FREM1: variants seen among roughly 807,000 people sequenced by gnomAD.
FREM1 encodes FRAS1 related extracellular matrix 1.
FREM1 carries 220 observed loss-of-function variants against 210.1 expected under a neutral mutation model. The ratio of observed to expected loss-of-function variants is 1.05; its 90% CI spans 0.94 to 1.17. The LOEUF is 1.17. Among genes scored for constraint, FREM1 ranks in the 50% most tolerant of loss-of-function variants. The probability of loss-of-function intolerance (pLI) is 0.00; values close to 1 mark genes in which losing one functional copy is unlikely to be tolerated. For synonymous variants in FREM1, 1,189 were observed against 980.2 expected, an observed-to-expected ratio of 1.21 and a Z score of -3.98; for missense variants, 3,454 against 2,675.5, an observed-to-expected ratio of 1.29 and a Z score of -6.42.
chr9:14,788,337 A>T (rs899366694), intron 23 of FREM1, among the ~76,000 whole-genome samples: 1 of 152,138 alleles, frequency 6.6e-6, no homozygotes, highest in Non-Finnish European at 1.5e-5. Flanking sequence ...TTCACCACTT[A>T]TACAACTGAC....
At chr9:14,816,539 T>A (rs1193716497) in intron 15 of FREM1, among the ~76,000 whole-genome samples, 1 of 152,144 alleles carries the variant, frequency 6.6e-6, no homozygotes, top group Non-Finnish European at 1.5e-5. Context: ...ATGCTGATCA[T>A]AAAAGGCTCA....
intron 1 of FREM1, among the ~76,000 whole-genome samples, chr9:14,890,576 G>T (rs1291970930): frequency 1.3e-5 from 2 of 152,112 alleles, no homozygotes; most frequent in African/African-American, 4.8e-5. Flanking sequence ...AACAAAACGG[G>T]TTCTTTGAGA....
chr9:14,841,436 C>T lies in FREM1; in HGVS notation c.1881+11G>A, dbSNP rs1259423128. The T allele has an allele frequency of 7.6e-6, 12 of 1,578,646 alleles. No individual in the cohort carries two copies. The highest frequency in any genetic ancestry group is 1.0e-5 in the Non-Finnish European group (12 of 1,156,460). ...AAGACTTTGGGAAAGTGTTCAGAAA[C>T]AGTCTCTTACCTGTGGCACTGAAAG... On this transcript the variant is annotated intron_variant, in intron 10 of 36. Coordinates refer to ENST00000380880, the MANE Select transcript of FREM1 (RefSeq NM_001379081.2).
rs1250215332 is a variant in FREM1 at position 14,910,012 on chromosome 9, T to C, written c.-366A>G. ...CACAGCAATCTGGTTTAAAGGGCTT[T>C]GAGAGGAAGGGGGAGGAAAAAGAAC... On this transcript the variant is annotated 5_prime_UTR_variant, in exon 1 of 37. Transcript: ENST00000380880. The C allele has an allele frequency of 6.6e-6, 1 of 152,152 alleles. No individual in the cohort carries two copies. Among genetic ancestry groups the C allele is most frequent in the Non-Finnish European group, 1.5e-5 (1 of 68,044 alleles). The allele number at this position is 152,152 out of a possible 1,614,324, so 9.4% of individuals were successfully genotyped here. A position where few individuals can be genotyped will look rare whatever the true frequency, so the allele number is the denominator to read the frequency against.
chr9:14,850,687 C>A (rs762206921), intron 6 of FREM1, among the ~76,000 whole-genome samples: 12 of 152,114 alleles, frequency 7.9e-5, no homozygotes, highest in African/African-American at 1.7e-4. Context: ...ATGTAACACA[C>A]CTGCACATCC....
chr9:14,772,650 ATTC>A (rs1003514010), intron 25 of FREM1, among the ~76,000 whole-genome samples: 4 of 152,184 alleles, frequency 2.6e-5, no homozygotes, highest in Non-Finnish European at 5.9e-5. Flanking sequence ...AGTCACAGTC[ATTC>A]TTCTCCTCTC....
Position 14,860,550 on chromosome 9 carries a change from TATATACACAC to T in FREM1, c.330-1076_330-1067del, listed in dbSNP as rs1387492556. Among the ~76,000 whole-genome samples, 508 of 125,124 alleles carry T rather than the reference TATATACACAC, an allele frequency of 4.1e-3. 39 individuals are homozygous for T. Among genetic ancestry groups the T allele is most frequent in the African/African-American group, 0.015 (473 of 31,082 alleles). The allele number at this position is 125,124 out of a possible 152,430, so 82.1% of individuals were successfully genotyped here. A position where few individuals can be genotyped will look rare whatever the true frequency, so the allele number is the denominator to read the frequency against. ...GTAGGTATGTATATATATACACATA[TATATACACAC>T]ATATATATACACATATATATACACA... On this transcript the variant is annotated intron_variant, in intron 3 of 36. Coordinates refer to ENST00000380880, the MANE Select transcript of FREM1 (RefSeq NM_001379081.2).
At chr9:14,872,415 A>C (rs1050471449) in intron 1 of FREM1, among the ~76,000 whole-genome samples, 1 of 152,146 alleles carries the variant, frequency 6.6e-6, no homozygotes, top group African/African-American at 2.4e-5. Flanking sequence ...TAGGCATTTT[A>C]TCCTCTTTGA....
intron 35 of FREM1, among the ~76,000 whole-genome samples, chr9:14,746,009 A>ATCT (rs201404367): frequency 8.4e-5 from 8 of 95,692 alleles, no homozygotes; most frequent in Non-Finnish European, 1.4e-4. Flanking sequence ...GACTCAGAAA[A>ATCT]TCTTCTGATT....
chr9:14,758,023 A>G (rs115519525), intron 28 of FREM1, among the ~76,000 whole-genome samples: 1,660 of 152,228 alleles, frequency 0.011, 28 homozygotes, highest in African/African-American at 0.038. Flanking sequence ...ACAGAATCCT[A>G]TGTGGGAAAA....
At chr9:14,866,985 G>A (rs183637565) in intron 2 of FREM1, among the ~76,000 whole-genome samples, 19 of 150,248 alleles carry the variant, frequency 1.3e-4, no homozygotes, top group East Asian at 1.9e-4. Context: ...TCAGCCTCCC[G>A]AGTAGCTAGG....
At chr9:14,820,901 T>C (rs931859961) in intron 13 of FREM1, among the ~76,000 whole-genome samples, 3 of 152,226 alleles carry the variant, frequency 2.0e-5, no homozygotes, top group Admixed American at 1.3e-4. Context: ...ACCTCATTTT[T>C]CTGAGCTGTA....
At chr9:14,740,418 A>G (rs1348345083) in intron 35 of FREM1, among the ~76,000 whole-genome samples, 184 bp from the exon 36 acceptor site, 1 of 152,240 alleles carries the variant, frequency 6.6e-6, no homozygotes, top group African/African-American at 2.4e-5. Context: ...GGTAGGTGAC[A>G]TCAAAGAAAG....
In FREM1 at chr9:14,746,969, T is replaced by C. The variant is rs775932714; in HGVS notation, c.6092A>G (p.Tyr2031Cys). 6.2e-7 allele frequency: 1 copy of C among 1,613,390 alleles called. No individual in the cohort carries two copies. Among genetic ancestry groups the C allele is most frequent in the East Asian group, 2.2e-5 (1 of 44,878 alleles). ...FHFEEGIQKLYQCNGIAWKAW... is the reference protein window; with the variant it reads ...FHFEEGIQKLCQCNGIAWKAW... ...TTTCCAGGCGATCCCATTGCACTGATACAGCTTCTGGATGCCTTCTTCAAA... is the reference window on the plus strand; with the variant it reads ...TTTCCAGGCGATCCCATTGCACTGACACAGCTTCTGGATGCCTTCTTCAAA... The change falls in exon 34 of 37, where the codon TAT (tyrosine) becomes TGT (cysteine). Residue 2031 changes from tyrosine to cysteine, a missense_variant. Coordinates refer to ENST00000380880, the MANE Select transcript of FREM1 (RefSeq NM_001379081.2).
rs1291842915 is a variant in FREM1, at chr9:14,864,307, C to T, written c.235-404G>A. On this transcript the variant is annotated intron_variant, in intron 2 of 36. Coordinates refer to ENST00000380880, the MANE Select transcript of FREM1 (RefSeq NM_001379081.2). ...CTGTGTGTCTGCATGAAAAGGCATG[C>T]TTTAACCCACCCACAAACACACTGT... Among the ~76,000 whole-genome samples the T allele has an allele frequency of 2.0e-5, 3 of 152,280 alleles. No individual in the cohort carries two copies. In the East Asian group the frequency reaches 5.8e-4, roughly 29 times the overall value.
intron 1 of FREM1, among the ~76,000 whole-genome samples, chr9:14,901,786 G>C (rs1418341082): frequency 6.6e-6 from 1 of 152,140 alleles, no homozygotes. Context: ...AAATTTCTCA[G>C]CCTTGAATTC....
chr9:14,869,893 T>G (rs549684756), intron 1 of FREM1, among the ~76,000 whole-genome samples: 1 of 152,360 alleles, frequency 6.6e-6, no homozygotes, highest in South Asian at 2.1e-4. Context: ...GCACAGCTAA[T>G]GACACAGCAT....
chr9:14,822,392 C>T (rs1373449391), intron 13 of FREM1, among the ~76,000 whole-genome samples: 1 of 152,140 alleles, frequency 6.6e-6, no homozygotes, highest in East Asian at 1.9e-4. Context: ...CCAGTGCAGG[C>T]TATAGTCCAA....
At chr9:14,881,980 A>G (rs777877221) in intron 1 of FREM1, among the ~76,000 whole-genome samples, 4 of 152,088 alleles carry the variant, frequency 2.6e-5, no homozygotes, top group African/African-American at 4.8e-5. Context: ...AGGTTGGTGG[A>G]GCTGTGAGCT....
Sources: gnomAD v4.1 joint callset for allele counts (sites outside exome capture counted in the v4.1 genomes callset) on GRCh38, gnomAD v4.1.1 for gene constraint, MANE v1.5 for transcripts, NCBI Gene and HGNC (gene_info 2026-07-23, HGNC 2026-07-21) for gene names.